The following ZNF385B variants were observed in gnomAD, a reference collection of about 807,000 sequenced individuals.
ZNF385B encodes the protein zinc finger protein 533.
Under a neutral mutation model 39.2 loss-of-function variants are expected in ZNF385B, and 23 were observed. That is an observed-to-expected ratio of 0.59 (90% CI 0.42 to 0.83). ZNF385B has a LOEUF of 0.83. Ranked by LOEUF, ZNF385B falls within the 40% of genes least tolerant of loss-of-function variation. The pLI is 0.00. For synonymous variants in ZNF385B, 205 were observed against 222.6 expected, an observed-to-expected ratio of 0.92 and a Z score of 0.70; for missense variants, 552 against 598.9, an observed-to-expected ratio of 0.92 and a Z score of 0.82.
chr2:179,718,518 A>G (rs977240116), intron 3 of ZNF385B, among the ~76,000 whole-genome samples: 6 of 148,060 alleles, frequency 4.1e-5, no homozygotes, highest in Admixed American at 6.8e-5. Flanking sequence ...TATATTATAT[A>G]TATTATCATA....
chr2:179,843,014 A>C (rs1331402114), intron 1 of ZNF385B, among the ~76,000 whole-genome samples: 2 of 152,144 alleles, frequency 1.3e-5, no homozygotes, highest in East Asian at 3.9e-4. Flanking sequence ...CCCACCCCAA[A>C]ACTCTGCCAC....
intron 3 of ZNF385B, among the ~76,000 whole-genome samples, chr2:179,592,170 C>G (rs1687618409): frequency 6.6e-6 from 1 of 152,138 alleles, no homozygotes; most frequent in Non-Finnish European, 1.5e-5. Flanking sequence ...GCTCTTCTAC[C>G]CCTTTACACT....
At chr2:179,569,255 C>T (rs546131271) in intron 3 of ZNF385B, among the ~76,000 whole-genome samples, 10 of 152,126 alleles carry the variant, frequency 6.6e-5, no homozygotes, top group African/African-American at 2.4e-4. Flanking sequence ...AAGGAGGTAT[C>T]AAATTTACAC....
chr2:179,562,540 C>T, intron 3 of ZNF385B: 1 of 985,386 alleles, frequency 1.0e-6, no homozygotes, highest in East Asian at 1.1e-4. Flanking sequence ...GCAGGCAGTG[C>T]TTCTGAACAA....
chr2:179,646,181 G>A (rs113248658), intron 3 of ZNF385B, among the ~76,000 whole-genome samples: 15 of 152,286 alleles, frequency 9.8e-5, no homozygotes, highest in Admixed American at 2.0e-4. Context: ...TTGGGAGGCC[G>A]AGGCGGGCAG....
At chr2:179,530,161 T>C (rs114895250) in intron 4 of ZNF385B, among the ~76,000 whole-genome samples, 343 of 152,286 alleles carry the variant, frequency 2.3e-3, no homozygotes, top group African/African-American at 7.2e-3. Context: ...TGGCCTTTTG[T>C]TTTCTTTTTA....
chr2:179,451,417 T>C (rs187745079), intron 6 of ZNF385B, among the ~76,000 whole-genome samples: 37 of 152,084 alleles, frequency 2.4e-4, no homozygotes, highest in Admixed American at 2.4e-3. Context: ...ATGGGAGATA[T>C]TATTATAGAT....
At chr2:179,645,770 A>G (rs1344585339) in intron 3 of ZNF385B, among the ~76,000 whole-genome samples, 2 of 152,168 alleles carry the variant, frequency 1.3e-5, no homozygotes, top group Non-Finnish European at 2.9e-5. Flanking sequence ...CCTATAGGGC[A>G]GGGCTCATTG....
Position 179,483,357 on chromosome 2 carries a change from G to A in ZNF385B, c.630C>T (p.Pro210=), listed in dbSNP as rs747411799. The change falls in exon 6 of 10, where the codon CCC becomes CCT. Residue 210 remains proline (P), a synonymous_variant. Transcript: ENST00000410066. ...CGCTGTCCTTGGAAGGAACCATTTT[G>A]GGTTTATTTTTCGTTGCGTCTAGTG... ...VKALDATKNK[P]KMVPSKDSAK... is the part of the protein sequence containing the mutation. 14 of 1,613,878 alleles carry A rather than the reference G, an allele frequency of 8.7e-6. No individual in the cohort carries two copies. The South Asian group carries it at 1.4e-4, about 16-fold the overall frequency.
intron 1 of ZNF385B, among the ~76,000 whole-genome samples, chr2:179,780,799 A>G (rs569889636): frequency 6.6e-5 from 10 of 152,348 alleles, no homozygotes; most frequent in Non-Finnish European, 1.5e-4. Context: ...TATTTGAGAA[A>G]TTTTAATTTA....
At chr2:179,563,089 G>C (rs1169887098) in intron 3 of ZNF385B, among the ~76,000 whole-genome samples, 1 of 152,108 alleles carries the variant, frequency 6.6e-6, no homozygotes, top group Non-Finnish European at 1.5e-5. Context: ...ATTTGATGTT[G>C]ATAAAATTAA....
intron 1 of ZNF385B, among the ~76,000 whole-genome samples, chr2:179,781,861 C>T (rs981934686): frequency 9.9e-5 from 15 of 152,016 alleles, no homozygotes; most frequent in Non-Finnish European, 8.8e-5. Context: ...AACAATAAAG[C>T]CCAGGACCTG....
At chr2:179,802,681 T>C (rs1240233044) in intron 1 of ZNF385B, 2 of 152,112 alleles carry the variant, frequency 1.3e-5, no homozygotes, top group Admixed American at 6.6e-5. Context: ...TCTGATACTT[T>C]AGAATGGTAC....
chr2:179,529,388 C>T (rs1202344716), intron 4 of ZNF385B, among the ~76,000 whole-genome samples: 1 of 152,120 alleles, frequency 6.6e-6, no homozygotes, highest in Non-Finnish European at 1.5e-5. Context: ...ATTTTTCCAT[C>T]AGGATGCTAA....
intron 5 of ZNF385B, among the ~76,000 whole-genome samples, chr2:179,493,551 A>G (rs890765331): frequency 6.6e-5 from 6 of 90,974 alleles, no homozygotes; most frequent in Non-Finnish European, 1.5e-4. Flanking sequence ...ACATACGTGT[A>G]CATGCACATA....
At chr2:179,739,525 G>GT (rs1465015244) in intron 3 of ZNF385B, among the ~76,000 whole-genome samples, 1 of 152,160 alleles carries the variant, frequency 6.6e-6, no homozygotes, top group African/African-American at 2.4e-5. Flanking sequence ...TAGCTATCGT[G>GT]TTTTCAGGGT....
At chr2:179,722,813 A>G (rs1180072859) in intron 3 of ZNF385B, among the ~76,000 whole-genome samples, 1 of 152,204 alleles carries the variant, frequency 6.6e-6, no homozygotes, top group Non-Finnish European at 1.5e-5. Flanking sequence ...TCTGCAACAT[A>G]GAAAACTGAA....
At position 179,584,042 on chromosome 2, in the gene ZNF385B, C is replaced by G. The variant is rs1283740894; in HGVS notation, c.299-39073G>C. ...ACACATTGTTGAAGAAGACATAGTC[C>G]CTGTTTTCCAAAAGCTTATAGTCTA... is the stretch of plus-strand genomic sequence containing the variant. On this transcript the variant is annotated intron_variant, in intron 3 of 9. Coordinates refer to ENST00000410066, the MANE Select transcript of ZNF385B (RefSeq NM_152520.6). 4 of 873,282 alleles carry G rather than the reference C, an allele frequency of 4.6e-6. No individual in the cohort carries two copies. The East Asian group carries it at 2.5e-4, about 55-fold the overall frequency. The allele number at this position is 873,282 out of a possible 1,614,324, so 54.1% of individuals were successfully genotyped here. A position where few individuals can be genotyped will look rare whatever the true frequency, so the allele number is the denominator to read the frequency against.
At chr2:179,528,601 G>C (rs769360857) in intron 4 of ZNF385B, among the ~76,000 whole-genome samples, 1 of 152,178 alleles carries the variant, frequency 6.6e-6, no homozygotes, top group Non-Finnish European at 1.5e-5. Flanking sequence ...AAATGAACTG[G>C]TGATTTCACC....
Sources: allele counts gnomAD v4.1 joint callset (sites outside exome capture counted in the v4.1 genomes callset), GRCh38; gene constraint gnomAD v4.1.1; transcripts MANE v1.5; gene names NCBI Gene and HGNC (gene_info 2026-07-23, HGNC 2026-07-21).